KDELR2: variants seen among roughly 807,000 people sequenced by gnomAD.
KDELR2 encodes the protein KDEL endoplasmic reticulum protein retention receptor 2.
A neutral mutation model predicts 23.9 loss-of-function variants in KDELR2; 15 were observed. That is an observed-to-expected ratio of 0.63 (90% CI 0.42 to 0.97). The LOEUF (loss-of-function observed/expected upper bound fraction) is 0.97, where lower values mean the gene tolerates loss of function less well. KDELR2 is among the 50% of genes least tolerant of loss of function. KDELR2 has a pLI of 0.00. For synonymous variants in KDELR2, 119 were observed against 106.2 expected, an observed-to-expected ratio of 1.12 and a Z score of -0.74; for missense variants, 272 against 254.6, an observed-to-expected ratio of 1.07 and a Z score of -0.46.
At chr7:6,478,971 A>G (rs1295100287) in intron 1 of KDELR2, among the ~76,000 whole-genome samples, 1 of 151,718 alleles carries the variant, frequency 6.6e-6, no homozygotes, top group Non-Finnish European at 1.5e-5. Flanking sequence ...TTGTAATTTT[A>G]GTAGAGATGG....
chr7:6,472,095 G>A (rs1363951302), intron 2 of KDELR2, among the ~76,000 whole-genome samples: 1 of 152,144 alleles, frequency 6.6e-6, no homozygotes, highest in Non-Finnish European at 1.5e-5. Flanking sequence ...GTTTCACCAT[G>A]TTGGCCAGGA....
rs752291414 is a variant in KDELR2 at position 6,469,768 on chromosome 7, A to C, written c.193-14T>G. ...AAGGTAGATAACCTACAAATAAAAG[A>C]AAAAACACCAGGTGTCAATACCTTG... On this transcript the variant is annotated splice_polypyrimidine_tract_variant and intron_variant, in intron 2 of 4. Coordinates refer to ENST00000258739, the MANE Select transcript of KDELR2 (RefSeq NM_006854.4). 6.3e-7 allele frequency: 1 copy of C among 1,599,584 alleles called. No individual in the cohort carries two copies.
chr7:6,464,197 C>CAAAAA (rs758537707), intron 4 of KDELR2, among the ~76,000 whole-genome samples: 3 of 38,764 alleles, frequency 7.7e-5, no homozygotes, highest in African/African-American at 1.4e-4. Flanking sequence ...AACTCTGTCT[C>CAAAAA]AAAAAAAAAA....
At chr7:6,469,815 G>A (rs1031296117) in intron 2 of KDELR2, 61 bp from the exon 3 acceptor site, 4 of 1,414,370 alleles carry the variant, frequency 2.8e-6, no homozygotes, top group Admixed American at 5.1e-5. Context: ...GCACCCCCCA[G>A]CTTTTTTAAT....
At chr7:6,479,302 G>A (rs1350113593) in intron 1 of KDELR2, among the ~76,000 whole-genome samples, 4 of 151,170 alleles carry the variant, frequency 2.6e-5, no homozygotes, top group East Asian at 2.0e-4. Flanking sequence ...GGACCACAGC[G>A]CACCACCACG....
At chr7:6,464,389 C>T (rs1323292786) in intron 4 of KDELR2, among the ~76,000 whole-genome samples, 3 of 151,812 alleles carry the variant, frequency 2.0e-5, no homozygotes, top group African/African-American at 7.3e-5. Flanking sequence ...CGTGGTGGTG[C>T]GCACCTGTAA....
rs1412886108 is a variant in KDELR2, at chr7:6,462,876, C to G, written c.*265G>C. On this transcript the variant is annotated 3_prime_UTR_variant, in exon 5 of 5. Coordinates refer to ENST00000258739, the MANE Select transcript of KDELR2 (RefSeq NM_006854.4). ...ACTTTTGGAACTATCCCAATTGAAG[C>G]TACACACTGAATTTATTAATACAGC... is the stretch of plus-strand genomic sequence containing the variant. The G allele has an allele frequency of 1.2e-5, 14 of 1,120,682 alleles. No homozygotes were observed. The highest frequency in any genetic ancestry group is 1.7e-5 in the Non-Finnish European group (14 of 803,040). The allele number at this position is 1,120,682 out of a possible 1,614,324, so 69.4% of individuals were successfully genotyped here. A position where few individuals can be genotyped will look rare whatever the true frequency, so the allele number is the denominator to read the frequency against.
chr7:6,466,003 G>A (rs562733789), intron 4 of KDELR2, 68 bp downstream of exon 4: 6 of 1,545,764 alleles, frequency 3.9e-6, no homozygotes, highest in Non-Finnish European at 5.3e-6. Context: ...GATTAGAAGA[G>A]TGCTGGGCAA....
chr7:6,469,874 G>T, intron 2 of KDELR2, 120 bp from the exon 3 acceptor site: 2 of 868,856 alleles, frequency 2.3e-6, no homozygotes, highest in Non-Finnish European at 3.4e-6. Context: ...CTTTGTTTTT[G>T]GAATTTTAAA....
At chr7:6,474,889 C>T (rs531462525) in intron 1 of KDELR2, among the ~76,000 whole-genome samples, 1 of 152,298 alleles carries the variant, frequency 6.6e-6, no homozygotes, top group East Asian at 1.9e-4. Context: ...CTCCTGGGCC[C>T]AGCTTCCCAA....
rs1373074769 is a variant in KDELR2, at chr7:6,484,143, C to G, written c.-86G>C. 1.9e-6 allele frequency: 2 copies of G among 1,076,468 alleles called. No individual in the cohort carries two copies. Among genetic ancestry groups the G allele is most frequent in the African/African-American group, 3.4e-5 (2 of 59,682 alleles). 66.7% of individuals were successfully genotyped at this position (1,076,468 alleles called of 1,614,324 possible). On this transcript the variant is annotated 5_prime_UTR_variant, in exon 1 of 5. Coordinates refer to ENST00000258739, the MANE Select transcript of KDELR2 (RefSeq NM_006854.4). ...GGCGGCGGCCCCTGAGAGGAAGCGGCGAAGATGGCGAGATCGCCCGCGACG... is the reference window on the plus strand; with the variant it reads ...GGCGGCGGCCCCTGAGAGGAAGCGGGGAAGATGGCGAGATCGCCCGCGACG...
intron 3 of KDELR2, among the ~76,000 whole-genome samples, chr7:6,466,808 C>A (rs1306866914): frequency 1.3e-5 from 2 of 151,898 alleles, no homozygotes; most frequent in African/African-American, 4.8e-5. Context: ...AGGGCTCATG[C>A]TCCTATGAGA....
intron 4 of KDELR2, among the ~76,000 whole-genome samples, chr7:6,463,544 A>G (rs1298230395): frequency 1.3e-5 from 2 of 152,062 alleles, no homozygotes; most frequent in Non-Finnish European, 2.9e-5. Context: ...CAGCCTGGGC[A>G]AAAAAAGTGA....
intron 2 of KDELR2, among the ~76,000 whole-genome samples, chr7:6,471,182 T>G (rs1417139358): frequency 4.1e-5 from 5 of 121,400 alleles, no homozygotes; most frequent in African/African-American, 1.2e-4. Context: ...TTCGGTTTTT[T>G]TTTTTTTTTT....
chr7:6,471,833 T>C (rs1487957867), intron 2 of KDELR2, among the ~76,000 whole-genome samples: 1 of 152,182 alleles, frequency 6.6e-6, no homozygotes, highest in Non-Finnish European at 1.5e-5. Flanking sequence ...TGTGTGAATG[T>C]AAGTTTTCAC....
intron 1 of KDELR2, chr7:6,482,598 A>G (rs950741297): frequency 2.1e-6 from 1 of 470,388 alleles, no homozygotes; most frequent in East Asian, 7.0e-5. Context: ...GCCTGCAGAC[A>G]GCAGATTCAG....
intron 2 of KDELR2, 193 bp downstream of exon 2, chr7:6,473,991 T>C (rs1342010117): frequency 2.3e-6 from 1 of 435,368 alleles, no homozygotes; most frequent in Non-Finnish European, 4.0e-6. Flanking sequence ...AAACCAAAAA[T>C]GTATGCTTAC....
chr7:6,470,680 G>A (rs1026023243), intron 2 of KDELR2, among the ~76,000 whole-genome samples: 1 of 152,186 alleles, frequency 6.6e-6, no homozygotes, highest in Non-Finnish European at 1.5e-5. Context: ...CTTTATGGTA[G>A]TAGGAGGTAC....
chr7:6,479,050 A>T (rs1785821952), intron 1 of KDELR2, among the ~76,000 whole-genome samples: 1 of 152,054 alleles, frequency 6.6e-6, no homozygotes, highest in Non-Finnish European at 1.5e-5. Context: ...CGGCCTCCCA[A>T]AGTGCTGGAA....
Sources: gnomAD v4.1 joint callset for allele counts (sites outside exome capture counted in the v4.1 genomes callset) on GRCh38, gnomAD v4.1.1 for gene constraint, MANE v1.5 for transcripts, NCBI Gene and HGNC (gene_info 2026-07-23, HGNC 2026-07-21) for gene names.